ADPGK: variants seen among roughly 807,000 people sequenced by gnomAD.
ADPGK encodes the protein ADP dependent glucokinase, also known as ADP-dependent glucokinase.
ADPGK carries 26 observed loss-of-function variants against 42.4 expected under a neutral mutation model. The observed-to-expected ratio is 0.61, with a 90% CI of 0.45 to 0.85. The LOEUF (loss-of-function observed/expected upper bound fraction) is 0.85. ADPGK is among the 40% of genes least tolerant of loss of function. The probability of loss-of-function intolerance (pLI) is 0.00; values close to 1 mark genes in which losing one functional copy is unlikely to be tolerated. For synonymous variants in ADPGK, 267 were observed against 252.6 expected (o/e 1.06, Z -0.54); for missense variants, 571 against 627.0 (o/e 0.91, Z 0.95).
intron 4 of ADPGK, among the ~76,000 whole-genome samples, chr15:72,758,778 AG>A (rs1407438019): frequency 6.6e-6 from 1 of 152,198 alleles, no homozygotes; most frequent in Non-Finnish European, 1.5e-5. Context: ...TGTAGTCACC[AG>A]GAAAAATGAC....
chr15:72,773,274 GCTGA>G (rs891490554), intron 2 of ADPGK, among the ~76,000 whole-genome samples: 5 of 152,186 alleles, frequency 3.3e-5, no homozygotes, highest in African/African-American at 1.2e-4. Flanking sequence ...CCAATTTTGT[GCTGA>G]CTAACCTCTG....
chr15:72,756,829 C>CTGCCT (rs2066121623), intron 4 of ADPGK: 1 of 195,840 alleles, frequency 5.1e-6, no homozygotes, highest in Admixed American at 5.3e-5. Flanking sequence ...TATAGGCTGT[C>CTGCCT]ATTGTTTAAA....
intron 2 of ADPGK, among the ~76,000 whole-genome samples, chr15:72,773,491 C>T (rs768971380): frequency 6.6e-6 from 1 of 152,130 alleles, no homozygotes; most frequent in Admixed American, 6.5e-5. Context: ...TATCAACCTG[C>T]CTTAAACTAT....
rs1021048615 is a variant in ADPGK, at chr15:72,751,304, A to G, written c.*1037T>C. 1 of 152,680 alleles carries G rather than the reference A, an allele frequency of 6.5e-6. No individual in the cohort carries two copies. Among genetic ancestry groups the G allele is most frequent in the Non-Finnish European group, 1.5e-5 (1 of 68,042 alleles). The allele number at this position is 152,680 out of a possible 1,614,324, so 9.5% of individuals were successfully genotyped here. A position where few individuals can be genotyped will look rare whatever the true frequency, so the allele number is the denominator to read the frequency against. On this transcript the variant is annotated 3_prime_UTR_variant, in exon 7 of 7. Transcript: ENST00000456471. ...CATGCACATCACAAATGAAGATCAG[A>G]ATGATTTTTATCTTATCTGGTTCCA...
At chr15:72,754,888 C>A (rs919910297) in intron 6 of ADPGK, among the ~76,000 whole-genome samples, 6 of 152,042 alleles carry the variant, frequency 3.9e-5, no homozygotes, top group African/African-American at 1.2e-4. Flanking sequence ...TATACTTGTA[C>A]AAAAGAACTC....
At position 72,757,201 on chromosome 15, in the gene ADPGK, CTTTTTTT is replaced by C. The variant is rs34450649; in HGVS notation, c.644-761_644-755del. Reference sequence around the variant, plus strand: ...TTTTGCAATTCCTTTTTCTTTTTTCCTTTTTTTTTTTTTTTTTTCTTCTGAGATGGAG... The same window carrying C: ...TTTTGCAATTCCTTTTTCTTTTTTCCTTTTTTTTTTTCTTCTGAGATGGAG... On this transcript the variant is annotated intron_variant, in intron 4 of 6. Transcript: ENST00000456471. The C allele has an allele frequency of 5.4e-3, 671 of 123,400 alleles. 1 individual carries two copies. The highest frequency in any genetic ancestry group is 0.016 in the African/African-American group (530 of 33,502). The allele number at this position is 123,400 out of a possible 1,614,324, so 7.6% of individuals were successfully genotyped here. A position where few individuals can be genotyped will look rare whatever the true frequency, so the allele number is the denominator to read the frequency against.
In ADPGK at chr15:72,756,331, G is replaced by A; in HGVS notation, c.760C>T (p.Gln254Ter). The A allele has an allele frequency of 6.2e-7, 1 of 1,614,224 alleles. No homozygotes were observed. Among genetic ancestry groups the A allele is most frequent in the South Asian group, 1.1e-5 (1 of 91,088 alleles). Residue 254 changes from glutamine to a stop codon, truncating the protein, a stop_gained, in exon 5 of 7, where the codon CAG becomes TAG. Coordinates refer to ENST00000456471, the MANE Select transcript of ADPGK (RefSeq NM_001365225.1). LOFTEE classifies it high-confidence loss of function. ...CCAGAGAGGACCACCAGGTCTGGCT[G>A]AAACTCCTCCAGGCTAGACACAAAC... The part of the protein sequence containing the change: ...EVFVSSLEEF[Q>*]PDLVVLSGLH...
rs777840912 is a variant in ADPGK, at chr15:72,775,009, T to A, written c.322A>T (p.Ile108Phe). 1.2e-6 allele frequency: 2 copies of A among 1,614,036 alleles called. No individual in the cohort carries two copies. The highest frequency in any genetic ancestry group is 8.5e-7 in the Non-Finnish European group (1 of 1,180,034). ...LSPGNGKDHS[I>F]LHSRNDLEEA... Reference sequence around the variant, plus strand: ...TCCAGATCATTCCTTGAATGCAGAATGCTGTGATCTTTCCCATTCCCAGGA... The same window carrying A: ...TCCAGATCATTCCTTGAATGCAGAAAGCTGTGATCTTTCCCATTCCCAGGA... The change falls in exon 2 of 7, where the codon ATT (isoleucine) becomes TTT (phenylalanine). Residue 108 changes from isoleucine (I) to phenylalanine (F), a missense_variant. Physicochemically the swap from Ile to Phe is conservative, Grantham distance 21 (BLOSUM62 0). Around this residue, in one of 2 missense-constraint regions of ADPGK, gnomAD observed 434 missense variants for 522.7 expected, o/e 0.83. Transcript: ENST00000456471.
In ADPGK at chr15:72,752,226, C is replaced by G. The variant is rs961404123; in HGVS notation, c.*115G>C. The G allele has an allele frequency of 6.7e-6, 7 of 1,046,632 alleles. No individual in the cohort carries two copies. The highest frequency in any genetic ancestry group is 8.1e-6 in the Non-Finnish European group (6 of 740,096). The allele number at this position is 1,046,632 out of a possible 1,614,324, so 64.8% of individuals were successfully genotyped here. On this transcript the variant is annotated 3_prime_UTR_variant, in exon 7 of 7. Transcript: ENST00000456471. ...GAGTTGCCAACAGGCTGGAATGTAC[C>G]TGATACAGTTTAATCTGCTTTTATT...
At chr15:72,755,473 A>G (rs2066099186) in intron 6 of ADPGK, 83 bp downstream of exon 6, 3 of 1,048,470 alleles carry the variant, frequency 2.9e-6, no homozygotes, top group Non-Finnish European at 4.3e-6. Flanking sequence ...CCCTGAGCCC[A>G]AACAGATGGT....
In ADPGK at chr15:72,765,614, C is replaced by T. The variant is rs142415756; in HGVS notation, c.523-5087G>A. ...ACATTTATGATTTATAGGAGGAAGT[C>T]AGCATATCAACATTAACAGGAGTTT... On this transcript the variant is annotated intron_variant, in intron 3 of 6. Coordinates refer to ENST00000456471, the MANE Select transcript of ADPGK (RefSeq NM_001365225.1). Among the ~76,000 whole-genome samples, 270 of 152,312 alleles carry T rather than the reference C, an allele frequency of 1.8e-3. 7 individuals carry two copies. The East Asian group carries it at 0.039, about 22-fold the overall frequency.
At chr15:72,765,869 T>A (rs1221415428) in intron 3 of ADPGK, among the ~76,000 whole-genome samples, 1 of 152,230 alleles carries the variant, frequency 6.6e-6, no homozygotes, top group East Asian at 1.9e-4. Flanking sequence ...CTAGTAAAGA[T>A]GTTATGAATA....
In ADPGK at chr15:72,783,738, C is replaced by A; in HGVS notation, c.-47G>T. On this transcript the variant is annotated 5_prime_UTR_variant, in exon 1 of 7. Coordinates refer to ENST00000456471, the MANE Select transcript of ADPGK (RefSeq NM_001365225.1). ...GCGCGAACCAACTCCTTTCCTAGCC[C>A]GCGCCTCTTCCGGGCTCGGCGCGCG... 7.1e-7 allele frequency: 1 copy of A among 1,404,596 alleles called. No individual in the cohort carries two copies. The highest frequency in any genetic ancestry group is 9.2e-7 in the Non-Finnish European group (1 of 1,082,650). The allele number at this position is 1,404,596 out of a possible 1,614,324, so 87.0% of individuals were successfully genotyped here. A position where few individuals can be genotyped will look rare whatever the true frequency, so the allele number is the denominator to read the frequency against.
intron 3 of ADPGK, among the ~76,000 whole-genome samples, chr15:72,771,501 A>G (rs183008414): frequency 6.6e-6 from 1 of 152,360 alleles, no homozygotes; most frequent in East Asian, 1.9e-4. Flanking sequence ...TTTCTCATGC[A>G]GAAAGGAAGA....
chr15:72,756,336 T>G lies in ADPGK; in HGVS notation c.755A>C (p.Glu252Ala). ...MLEVFVSSLE[E>A]FQPDLVVLSG... ...GAGGACCACCAGGTCTGGCTGAAAC[T>G]CCTCCAGGCTAGACACAAACACCTC... Residue 252 changes from glutamate (E) to alanine (A), a missense_variant, in exon 5 of 7, where the codon GAG (glutamate) becomes GCG (alanine). Transcript: ENST00000456471. The G allele has an allele frequency of 2.5e-6, 4 of 1,614,096 alleles. No individual in the cohort carries two copies. The highest frequency in any genetic ancestry group is 2.2e-5 in the East Asian group (1 of 44,876).
At chr15:72,773,665 C>T (rs1196658230) in intron 2 of ADPGK, among the ~76,000 whole-genome samples, 2 of 152,070 alleles carry the variant, frequency 1.3e-5, no homozygotes, top group Non-Finnish European at 2.9e-5. Flanking sequence ...GTTTAAATTC[C>T]GTAATCATAA....
At chr15:72,779,325 C>T (rs1384352667) in intron 1 of ADPGK, among the ~76,000 whole-genome samples, 3 of 150,598 alleles carry the variant, frequency 2.0e-5, no homozygotes, top group African/African-American at 4.9e-5. Flanking sequence ...CTCGGCTCAC[C>T]GCAACCTCTG....
chr15:72,775,284 A>G, intron 1 of ADPGK, 187 bp from the exon 2 acceptor site: 3 of 596,502 alleles, frequency 5.0e-6, no homozygotes, highest in Non-Finnish European at 8.9e-6. Flanking sequence ...TTTATGTATT[A>G]GCATCAGAAC....
chr15:72,758,218 G>C lies in ADPGK; in HGVS notation c.644-1771C>G, dbSNP rs553905681. ...CGTTGGAGAGGCCATGCAGGGGGCAGATGCAAATGGATCTAATTCTGCCTG... is the reference window on the plus strand; with the variant it reads ...CGTTGGAGAGGCCATGCAGGGGGCACATGCAAATGGATCTAATTCTGCCTG... On this transcript the variant is annotated intron_variant, in intron 4 of 6. Coordinates refer to ENST00000456471, the MANE Select transcript of ADPGK (RefSeq NM_001365225.1). 1,097 of 1,164,542 alleles carry C rather than the reference G, an allele frequency of 9.4e-4. 12 individuals carry two copies. The South Asian group carries it at 0.013, about 14-fold the overall frequency. The allele number at this position is 1,164,542 out of a possible 1,614,324, so 72.1% of individuals were successfully genotyped here. A position where few individuals can be genotyped will look rare whatever the true frequency, so the allele number is the denominator to read the frequency against.
Sources: allele counts gnomAD v4.1 joint callset (sites outside exome capture counted in the v4.1 genomes callset), GRCh38; gene constraint gnomAD v4.1.1; regional missense constraint gnomAD v4.1.1; transcripts MANE v1.5; gene names NCBI Gene and HGNC (gene_info 2026-07-23, HGNC 2026-07-21).